Variants in WDR70 observed in about 807,000 individuals in gnomAD.
WDR70 encodes WD repeat domain 70, also known as WD repeat-containing protein 70.
WDR70 carries 53 observed loss-of-function variants against 88.6 expected under a neutral mutation model. The observed-to-expected ratio is 0.60, with a 90% CI of 0.48 to 0.75. The LOEUF is 0.75. Among genes scored for constraint, WDR70 ranks in the 30% least tolerant of loss-of-function variants. WDR70 has a pLI of 0.00. For missense variants in WDR70, 610 were observed against 823.2 expected (o/e 0.74, Z 3.17); for synonymous variants, 280 against 270.0 (o/e 1.04, Z -0.36).
intron 9 of WDR70, among the ~76,000 whole-genome samples, chr5:37,531,796 G>A (rs1026074676): frequency 6.7e-6 from 1 of 150,074 alleles, no homozygotes; most frequent in East Asian, 1.9e-4. Flanking sequence ...TCTATTCATT[G>A]TGCTATTTGT....
At chr5:37,426,126 A>G (rs1292842307) in intron 5 of WDR70, among the ~76,000 whole-genome samples, 1 of 152,200 alleles carries the variant, frequency 6.6e-6, no homozygotes, top group Non-Finnish European at 1.5e-5. Flanking sequence ...CAGATAGAGA[A>G]GGAAGATCCT....
At chr5:37,658,248 G>A (rs984695446) in intron 10 of WDR70, among the ~76,000 whole-genome samples, 1 of 151,920 alleles carries the variant, frequency 6.6e-6, no homozygotes, top group Non-Finnish European at 1.5e-5. Flanking sequence ...CATATAAGTA[G>A]ACGCTGCAGT....
intron 9 of WDR70, among the ~76,000 whole-genome samples, chr5:37,528,419 A>G (rs1741370000): frequency 6.6e-6 from 1 of 152,172 alleles, no homozygotes; most frequent in South Asian, 2.1e-4. Context: ...CATAGGTGGC[A>G]ACTGAACAAT....
chr5:37,720,537 G>A (rs981014677), intron 13 of WDR70, among the ~76,000 whole-genome samples: 3 of 152,150 alleles, frequency 2.0e-5, no homozygotes, highest in African/African-American at 7.2e-5. Flanking sequence ...TTTTCATTTA[G>A]GTTAATGTCA....
intron 10 of WDR70, among the ~76,000 whole-genome samples, chr5:37,662,078 A>G (rs1223773060): frequency 6.6e-6 from 1 of 152,218 alleles, no homozygotes; most frequent in Admixed American, 6.5e-5. Flanking sequence ...GAGCAAGGAC[A>G]ACTTAAAGGT....
chr5:37,490,172 G>A (rs896643743), intron 8 of WDR70, among the ~76,000 whole-genome samples: 2 of 152,128 alleles, frequency 1.3e-5, no homozygotes, highest in African/African-American at 4.8e-5. Flanking sequence ...GAGAGCACTG[G>A]GGTTGCTGGT....
chr5:37,580,031 G>A (rs1299502678), intron 9 of WDR70, among the ~76,000 whole-genome samples: 1 of 152,072 alleles, frequency 6.6e-6, no homozygotes, highest in Non-Finnish European at 1.5e-5. Context: ...TATCTTATCT[G>A]TTGTATGCCC....
chr5:37,520,284 A>G (rs1741045897), intron 9 of WDR70, among the ~76,000 whole-genome samples: 1 of 152,182 alleles, frequency 6.6e-6, no homozygotes, highest in Non-Finnish European at 1.5e-5. Context: ...TTTCTGAAAT[A>G]TATCTTTAGA....
At chr5:37,557,838 A>C (rs1375303009) in intron 9 of WDR70, among the ~76,000 whole-genome samples, 4 of 14,060 alleles carry the variant, frequency 2.8e-4, no homozygotes, top group Non-Finnish European at 4.2e-4. Flanking sequence ...CTATATAATA[A>C]AAAATAAATT....
chr5:37,452,412 C>T (rs776965038), intron 7 of WDR70, among the ~76,000 whole-genome samples: 10 of 152,084 alleles, frequency 6.6e-5, no homozygotes, highest in African/African-American at 1.2e-4. Flanking sequence ...ATTACAGGTG[C>T]ATGCCACCAT....
At chr5:37,588,137 CAT>C (rs1015550393) in intron 9 of WDR70, among the ~76,000 whole-genome samples, 1 of 151,830 alleles carries the variant, frequency 6.6e-6, no homozygotes, top group Non-Finnish European at 1.5e-5. Context: ...GATACTAAGA[CAT>C]ATATAATATA....
At chr5:37,668,123 GCTTT>G (rs1260407067) in intron 10 of WDR70, among the ~76,000 whole-genome samples, 1 of 152,118 alleles carries the variant, frequency 6.6e-6, no homozygotes, top group Non-Finnish European at 1.5e-5. Flanking sequence ...TTGCTCTTGG[GCTTT>G]CTCTCTGGAA....
intron 10 of WDR70, among the ~76,000 whole-genome samples, chr5:37,617,350 T>C (rs1260665092): frequency 6.6e-6 from 1 of 152,232 alleles, no homozygotes; most frequent in Non-Finnish European, 1.5e-5. Flanking sequence ...GTGATGGTTG[T>C]ACAACTCTGT....
intron 7 of WDR70, among the ~76,000 whole-genome samples, chr5:37,461,243 C>A (rs1426659324): frequency 6.6e-6 from 1 of 152,044 alleles, no homozygotes; most frequent in East Asian, 1.9e-4. Flanking sequence ...GCTGACCCTA[C>A]TGTAAAAGCT....
At chr5:37,457,085 C>T (rs1044338511) in intron 7 of WDR70, among the ~76,000 whole-genome samples, 3 of 152,052 alleles carry the variant, frequency 2.0e-5, no homozygotes, top group Non-Finnish European at 4.4e-5. Flanking sequence ...TTTTTTTCCG[C>T]ATAACACTTT....
intron 7 of WDR70, among the ~76,000 whole-genome samples, chr5:37,466,705 C>CAAAAAAAAAAAA (rs796359494): frequency 1.5e-5 from 1 of 65,530 alleles, no homozygotes; most frequent in African/African-American, 6.7e-5. Context: ...GACTCCATCT[C>CAAAAAAAAAAAA]AAAAAAAAAA....
At chr5:37,395,498 C>G (rs904494988) in intron 4 of WDR70, among the ~76,000 whole-genome samples, 2 of 152,242 alleles carry the variant, frequency 1.3e-5, no homozygotes, top group East Asian at 3.9e-4. Context: ...CTTGGACACC[C>G]CTGGTTAGAG....
Position 37,616,437 on chromosome 5 carries a change from A to G in WDR70, c.1092+11199A>G, listed in dbSNP as rs569125466. 7.9e-5 allele frequency among the ~76,000 whole-genome samples: 12 copies of G among 152,208 alleles called. 1 individual carries two copies. In the South Asian group the frequency reaches 2.3e-3, roughly 29 times the overall value. ...TCAAAAAACTTTTTAGTCAGACTAG[A>G]TTATACTTTGTTCCCTTATGATTAT... On this transcript the variant is annotated intron_variant, in intron 10 of 17. Transcript: ENST00000265107.
chr5:37,538,683 G>T (rs995025421), intron 9 of WDR70, among the ~76,000 whole-genome samples: 4 of 152,122 alleles, frequency 2.6e-5, no homozygotes, highest in Admixed American at 2.6e-4. Flanking sequence ...CTGAGATGAG[G>T]CCAATGTAGG....
Sources: gnomAD v4.1 joint callset for allele counts (sites outside exome capture counted in the v4.1 genomes callset) on GRCh38, gnomAD v4.1.1 for gene constraint, MANE v1.5 for transcripts, NCBI Gene and HGNC (gene_info 2026-07-23, HGNC 2026-07-21) for gene names.